Variants in CFAP69 observed in about 807,000 individuals in gnomAD.
The protein encoded by CFAP69 is cilia and flagella associated protein 69, also known as cilia- and flagella-associated protein 69.
In CFAP69, 92 loss-of-function variants were observed where a neutral mutation model predicts 123.0. The observed-to-expected ratio is 0.75, with a 90% CI of 0.63 to 0.89. The LOEUF (loss-of-function observed/expected upper bound fraction) is 0.89, where lower values mean the gene tolerates loss of function less well. Ranked by LOEUF, CFAP69 falls within the 40% of genes least tolerant of loss-of-function variation. The pLI is 0.00. For missense variants in CFAP69, 1,067 were observed against 1,096.9 expected (o/e 0.97, Z 0.39); for synonymous variants, 380 against 364.3 (o/e 1.04, Z -0.49).
chr7:90,250,187 G>GGAGA (rs10527106), intron 1 of CFAP69, among the ~76,000 whole-genome samples: 1,399 of 125,666 alleles, frequency 0.011, 24 homozygotes, highest in Middle Eastern at 0.021. Flanking sequence ...TTTAAAGAGA[G>GGAGA]GAGAGAGAGA....
intron 14 of CFAP69, 76 bp from the exon 15 acceptor site, chr7:90,288,158 G>C (rs2117160865): frequency 8.4e-7 from 1 of 1,185,720 alleles, no homozygotes; most frequent in Admixed American, 1.8e-5. Context: ...AGCAATATTA[G>C]GGGACCGATA....
At chr7:90,272,940 G>A (rs17867607) in intron 8 of CFAP69, among the ~76,000 whole-genome samples, 42,665 of 152,024 alleles carry the variant, frequency 0.28, 6,968 homozygotes, top group East Asian at 0.68. Context: ...TCTGACTGGC[G>A]AAAAGGCAGC....
At chr7:90,265,814 T>C (rs1316939431) in intron 5 of CFAP69, among the ~76,000 whole-genome samples, 1 of 152,152 alleles carries the variant, frequency 6.6e-6, no homozygotes, top group African/African-American at 2.4e-5. Context: ...ATTAAGAACT[T>C]CAGCATAATG....
chr7:90,248,876 TA>T (rs1405180186), intron 1 of CFAP69, among the ~76,000 whole-genome samples: 1 of 152,224 alleles, frequency 6.6e-6, no homozygotes, highest in Non-Finnish European at 1.5e-5. Flanking sequence ...TCCTCATCTG[TA>T]AAAGATATTT....
At chr7:90,318,486 A>G in the CFAP69 span, 2 of 152,156 alleles carry the variant, frequency 1.3e-5, no homozygotes, top group Non-Finnish European at 2.9e-5. Flanking sequence ...AAACCACAAA[A>G]TATACTACAT....
At chr7:90,246,702 C>T (rs1395720483) in intron 1 of CFAP69, among the ~76,000 whole-genome samples, 1 of 152,148 alleles carries the variant, frequency 6.6e-6, no homozygotes, top group Non-Finnish European at 1.5e-5. Context: ...AGCCATACTC[C>T]CAGGCAAGGG....
At chr7:90,247,568 C>T (rs1373358897) in intron 1 of CFAP69, among the ~76,000 whole-genome samples, 6 of 152,068 alleles carry the variant, frequency 3.9e-5, no homozygotes, top group African/African-American at 9.7e-5. Flanking sequence ...TATATATAGG[C>T]CGGGTGTGGT....
Position 90,265,319 on chromosome 7 carries a change from G to A in CFAP69, c.375G>A (p.Lys125=). The part of the protein sequence containing the change: ...IKLCGLPFLK[K]KVSDEITYAE... The stretch of plus-strand genomic sequence containing the variant: ...ATTGAAGCTTGCCATTTTTGAAAAA[G>A]AAAGTGTCGGATGAAATAACTTATG... The change falls in exon 5 of 23, where the codon AAG becomes AAA. Residue 125 remains lysine, a synonymous_variant. Transcript: ENST00000389297. The A allele has an allele frequency of 1.2e-6, 2 of 1,610,266 alleles. No homozygotes were observed. Among genetic ancestry groups the A allele is most frequent in the Non-Finnish European group, 1.7e-6 (2 of 1,177,846 alleles).
In CFAP69 at chr7:90,310,778, C is replaced by T. The variant is rs1330739067; in HGVS notation, c.*540C>T. Reference sequence around the variant, plus strand: ...GGTAGTCCTGAGCCATTCACCATGACTTTGGCCATGGCTGAGTACTGCCTA... The same window carrying T: ...GGTAGTCCTGAGCCATTCACCATGATTTTGGCCATGGCTGAGTACTGCCTA... On this transcript the variant is annotated 3_prime_UTR_variant, in exon 23 of 23. Coordinates refer to ENST00000389297, the MANE Select transcript of CFAP69 (RefSeq NM_001039706.3). 2 of 152,238 alleles carry T rather than the reference C, an allele frequency of 1.3e-5. No individual in the cohort carries two copies. The allele number at this position is 152,238 out of a possible 1,614,324, so 9.4% of individuals were successfully genotyped here.
downstream of CFAP69, among the ~76,000 whole-genome samples, chr7:90,315,370 C>G (rs1035807006): frequency 5.3e-5 from 8 of 152,146 alleles, no homozygotes; most frequent in African/African-American, 1.9e-4. Context: ...ACCATCATGA[C>G]AGACTGGATA....
rs1487122407 is a variant in CFAP69, at chr7:90,258,082, A to G, written c.181-16A>G. The G allele has an allele frequency of 6.3e-7, 1 of 1,594,454 alleles. No homozygotes were observed. The highest frequency in any genetic ancestry group is 8.6e-7 in the Non-Finnish European group (1 of 1,168,610). On this transcript the variant is annotated splice_polypyrimidine_tract_variant and intron_variant, in intron 2 of 22. Coordinates refer to ENST00000389297, the MANE Select transcript of CFAP69 (RefSeq NM_001039706.3). ...TTTAAAAGCACAAAAGAACTAAAAT[A>G]GGTGATCTGTTTTAGGATGGCTTGG...
At chr7:90,314,256 G>A (rs570710992), downstream of CFAP69, among the ~76,000 whole-genome samples, 1 of 152,228 alleles carries the variant, frequency 6.6e-6, no homozygotes, top group African/African-American at 2.4e-5. Context: ...GAATAAAATA[G>A]GAAGTTTAGT....
intron 3 of CFAP69, 84 bp downstream of exon 3, chr7:90,258,247 C>A: frequency 1.1e-6 from 1 of 930,958 alleles, no homozygotes. Flanking sequence ...TTTTCCATTG[C>A]TGTTGTAACA....
intron 15 of CFAP69, among the ~76,000 whole-genome samples, chr7:90,292,601 A>G (rs1562904931): frequency 2.0e-5 from 3 of 152,218 alleles, no homozygotes. Flanking sequence ...TTCTGGAGAA[A>G]TTGGGTAGAA....
chr7:90,283,446 A>T (rs1365986565), intron 13 of CFAP69, among the ~76,000 whole-genome samples: 3 of 152,288 alleles, frequency 2.0e-5, no homozygotes, highest in East Asian at 3.9e-4. Flanking sequence ...GTACATTGGT[A>T]TTTACAGAAA....
At chr7:90,264,104 A>AAAATATAT (rs1554354285) in intron 4 of CFAP69, among the ~76,000 whole-genome samples, 2 of 48,884 alleles carry the variant, frequency 4.1e-5, no homozygotes, top group Admixed American at 2.8e-4. Context: ...AAAAAAAAAA[A>AAAATATAT]ATATATATAT....
intron 1 of CFAP69, among the ~76,000 whole-genome samples, chr7:90,248,013 T>G (rs993280318): frequency 3.3e-5 from 5 of 152,180 alleles, no homozygotes; most frequent in Non-Finnish European, 5.9e-5. Context: ...CTCATAAAGT[T>G]ATTTGGGCCT....
intron 12 of CFAP69, 81 bp downstream of exon 12, chr7:90,279,974 A>T: frequency 9.7e-7 from 1 of 1,026,058 alleles, no homozygotes; most frequent in Non-Finnish European, 1.4e-6. Context: ...TAGAAATAAC[A>T]ATGAAGTTAA....
chr7:90,306,647 G>A (rs1793629516), intron 19 of CFAP69, among the ~76,000 whole-genome samples: 1 of 152,218 alleles, frequency 6.6e-6, no homozygotes, highest in African/African-American at 2.4e-5. Context: ...TGATGGTGAT[G>A]ATGGCAGGGA....
Sources: gnomAD v4.1 joint callset for allele counts (sites outside exome capture counted in the v4.1 genomes callset) on GRCh38, gnomAD v4.1.1 for gene constraint, MANE v1.5 for transcripts, NCBI Gene and HGNC (gene_info 2026-07-23, HGNC 2026-07-21) for gene names.